Variants in RIT2 observed in about 807,000 individuals in gnomAD.
RIT2 encodes Ras like without CAAX 2.
RIT2 carries 24 observed loss-of-function variants against 23.7 expected under a neutral mutation model. The observed-to-expected ratio is 1.01, with a 90% confidence interval of 0.73 to 1.43. RIT2 has a LOEUF of 1.43. RIT2 is among the 40% of genes most tolerant of loss of function. RIT2 has a pLI of 0.00. For synonymous variants in RIT2, 107 were observed against 91.1 expected (o/e 1.17, Z -0.99); for missense variants, 236 against 266.9 (o/e 0.88, Z 0.81).
At chr18:42,909,381 G>A (rs556535249) in intron 4 of RIT2, among the ~76,000 whole-genome samples, 3 of 152,158 alleles carry the variant, frequency 2.0e-5, no homozygotes, top group Non-Finnish European at 4.4e-5. Flanking sequence ...AGTGTACACG[G>A]CTCAGGTTCA....
chr18:42,880,917 C>T (rs1045705145), intron 4 of RIT2, among the ~76,000 whole-genome samples: 1 of 151,252 alleles, frequency 6.6e-6, no homozygotes, highest in African/African-American at 2.4e-5. Flanking sequence ...CAGCAATTCC[C>T]CTGCCTCAGC....
chr18:43,012,828 C>T (rs1911381502), intron 2 of RIT2, among the ~76,000 whole-genome samples: 1 of 151,688 alleles, frequency 6.6e-6, no homozygotes, highest in Non-Finnish European at 1.5e-5. Flanking sequence ...TGAAGACATT[C>T]TGATCCCAAA....
At chr18:42,906,899 G>T (rs1908637484) in intron 4 of RIT2, among the ~76,000 whole-genome samples, 1 of 152,124 alleles carries the variant, frequency 6.6e-6, no homozygotes, top group Non-Finnish European at 1.5e-5. Context: ...CCTGCCTATT[G>T]TCTTTCTCTC....
chr18:42,955,751 T>G (rs2144179284), intron 3 of RIT2, among the ~76,000 whole-genome samples: 1 of 152,270 alleles, frequency 6.6e-6, no homozygotes, highest in African/African-American at 2.4e-5. Flanking sequence ...GCAGTTCAGG[T>G]TTTTACTATA....
intron 4 of RIT2, among the ~76,000 whole-genome samples, chr18:42,908,194 G>GA (rs1351677021): frequency 6.7e-6 from 1 of 149,786 alleles, no homozygotes; most frequent in Non-Finnish European, 1.5e-5. Context: ...AAAAGACACA[G>GA]AAAAAAATCA....
chr18:43,064,437 T>A (rs544044392), intron 1 of RIT2, among the ~76,000 whole-genome samples: 145 of 152,278 alleles, frequency 9.5e-4, no homozygotes, highest in African/African-American at 3.0e-3. Context: ...AATTTCTTTT[T>A]ACATCCTATT....
intron 3 of RIT2, among the ~76,000 whole-genome samples, chr18:42,954,856 T>C (rs892554170): frequency 1.3e-5 from 2 of 152,146 alleles, no homozygotes; most frequent in Non-Finnish European, 2.9e-5. Flanking sequence ...CCACCTCTCT[T>C]ACTGTTCTCA....
chr18:43,002,649 G>A (rs561669542), intron 2 of RIT2, among the ~76,000 whole-genome samples: 2 of 151,910 alleles, frequency 1.3e-5, no homozygotes, highest in African/African-American at 4.8e-5. Context: ...GAGCCACCGG[G>A]GAGGAAGAAA....
intron 4 of RIT2, among the ~76,000 whole-genome samples, chr18:42,799,165 G>T (rs1227412485): frequency 6.6e-6 from 1 of 152,122 alleles, no homozygotes; most frequent in African/African-American, 2.4e-5. Flanking sequence ...AGAGCCAAAT[G>T]AAATTCTTTT....
chr18:42,802,670 T>C (rs1013074762), intron 4 of RIT2, among the ~76,000 whole-genome samples: 1 of 152,208 alleles, frequency 6.6e-6, no homozygotes, highest in African/African-American at 2.4e-5. Flanking sequence ...AAAGTGGCTT[T>C]TCAAACCACA....
At chr18:42,790,580 C>T (rs1168088420) in intron 4 of RIT2, among the ~76,000 whole-genome samples, 2 of 152,150 alleles carry the variant, frequency 1.3e-5, no homozygotes, top group Non-Finnish European at 2.9e-5. Flanking sequence ...AGGCGTCTGC[C>T]ACCACACCCA....
Position 43,115,494 on chromosome 18 carries a change from C to G in RIT2, c.26G>C (p.Cys9Ser), listed in dbSNP as rs1417724027. Residue 9 changes from cysteine to serine, a missense_variant, in exon 1 of 5, where the codon TGC (cysteine) becomes TCC (serine). By Grantham distance (112) the Cys-to-Ser change is moderately radical. Coordinates refer to ENST00000326695, the MANE Select transcript of RIT2 (RefSeq NM_002930.4). The part of the protein sequence containing the change: MEVENEAS[C>S]SPGSASGGSR... ...CCCGCCTGATGCGCTGCCCGGGGAG[C>G]AGCTGGCTTCATTTTCTACCTCCAT... The G allele has an allele frequency of 6.2e-7, 1 of 1,613,256 alleles. No individual in the cohort carries two copies. Among genetic ancestry groups the G allele is most frequent in the Admixed American group, 1.7e-5 (1 of 59,772 alleles).
chr18:42,864,917 T>G lies in RIT2; in HGVS notation c.426+58655A>C, dbSNP rs192458990. 9.9e-5 allele frequency among the ~76,000 whole-genome samples: 15 copies of G among 152,122 alleles called. No homozygotes were observed. The East Asian group carries it at 2.9e-3, about 29-fold the overall frequency. On this transcript the variant is annotated intron_variant, in intron 4 of 4. Coordinates refer to ENST00000326695, the MANE Select transcript of RIT2 (RefSeq NM_002930.4). The stretch of plus-strand genomic sequence containing the variant: ...TATGTATGGAAATGTATGCCTTGTA[T>G]AAAAAGCCCCAACCACCTGCCTTAC...
chr18:42,920,282 G>A (rs546398734), intron 4 of RIT2, among the ~76,000 whole-genome samples: 4 of 152,274 alleles, frequency 2.6e-5, no homozygotes, highest in South Asian at 2.1e-4. Context: ...GACACAGTGA[G>A]ATTTTAAGTC....
chr18:42,749,983 T>C (rs987742253), intron 4 of RIT2, among the ~76,000 whole-genome samples: 4 of 151,838 alleles, frequency 2.6e-5, no homozygotes, highest in Non-Finnish European at 5.9e-5. Context: ...ACCAGGAGAC[T>C]TGATAACTAA....
chr18:42,890,510 A>G (rs1908142657), intron 4 of RIT2, among the ~76,000 whole-genome samples: 1 of 151,414 alleles, frequency 6.6e-6, no homozygotes, highest in South Asian at 2.1e-4. Flanking sequence ...GGAGGGAGGG[A>G]GGAAGAGATG....
At chr18:42,935,880 C>G (rs908730089) in intron 3 of RIT2, among the ~76,000 whole-genome samples, 5 of 151,934 alleles carry the variant, frequency 3.3e-5, no homozygotes. Flanking sequence ...ATCCACTATG[C>G]GGATGAAGGA....
At chr18:42,867,472 T>A (rs1204084502) in intron 4 of RIT2, among the ~76,000 whole-genome samples, 1 of 151,874 alleles carries the variant, frequency 6.6e-6, no homozygotes, top group Non-Finnish European at 1.5e-5. Flanking sequence ...GCAATCAATA[T>A]CCTAAAAAGT....
chr18:43,103,481 T>G (rs1376611026), intron 1 of RIT2, among the ~76,000 whole-genome samples: 1 of 152,158 alleles, frequency 6.6e-6, no homozygotes, highest in Non-Finnish European at 1.5e-5. Context: ...ACAAGCCAGA[T>G]GCTCAAAGAA....
Sources: allele counts gnomAD v4.1 joint callset (sites outside exome capture counted in the v4.1 genomes callset), GRCh38; gene constraint gnomAD v4.1.1; transcripts MANE v1.5; gene names NCBI Gene and HGNC (gene_info 2026-07-23, HGNC 2026-07-21).